DDX60: variants seen among roughly 807,000 people sequenced by gnomAD.
DDX60 encodes the protein probable ATP-dependent RNA helicase DDX60.
Under a neutral mutation model 212.8 loss-of-function variants are expected in DDX60, and 165 were observed. That is an observed-to-expected ratio of 0.78 (90% CI 0.68 to 0.88). The LOEUF is 0.88. Ranked by LOEUF, DDX60 falls within the 40% of genes least tolerant of loss-of-function variation. The pLI is 0.00. For missense variants in DDX60, 1,905 were observed against 2,003.9 expected (o/e 0.95, Z 0.94); for synonymous variants, 703 against 685.3 (o/e 1.03, Z -0.40).
upstream of DDX60, among the ~76,000 whole-genome samples, chr4:168,320,228 T>G (rs890142119): frequency 1.3e-5 from 2 of 152,158 alleles, no homozygotes; most frequent in Non-Finnish European, 2.9e-5. Flanking sequence ...CAAAATAGAT[T>G]AAATAAGAAT....
intron 12 of DDX60, among the ~76,000 whole-genome samples, chr4:168,284,161 C>T (rs1448524331): frequency 1.3e-5 from 2 of 152,270 alleles, no homozygotes; most frequent in Non-Finnish European, 2.9e-5. Context: ...TGTAACTACA[C>T]ATATCACACC....
At chr4:168,264,502 A>T (rs1734756915) in intron 22 of DDX60, among the ~76,000 whole-genome samples, 1 of 151,804 alleles carries the variant, frequency 6.6e-6, no homozygotes, top group Non-Finnish European at 1.5e-5. Context: ...AATAAATCCA[A>T]GATTTATTAT....
At chr4:168,312,932 C>T (rs1340710257) in intron 1 of DDX60, among the ~76,000 whole-genome samples, 1 of 152,042 alleles carries the variant, frequency 6.6e-6, no homozygotes, top group Admixed American at 6.5e-5. Flanking sequence ...GAGACACGAG[C>T]GTAAGTATGG....
intron 1 of DDX60, among the ~76,000 whole-genome samples, chr4:168,313,849 T>C (rs934442785): frequency 2.0e-5 from 3 of 152,182 alleles, no homozygotes; most frequent in African/African-American, 7.2e-5. Context: ...TAAGAAATAA[T>C]ATACATAGAT....
chr4:168,238,236 CAAAAAAAAAAAA>C (rs57638327), intron 30 of DDX60, among the ~76,000 whole-genome samples: 1 of 80,892 alleles, frequency 1.2e-5, no homozygotes, highest in Non-Finnish European at 2.5e-5. Context: ...TATGAAATTC[CAAAAAAAAAAAA>C]AAAAAAAAAA....
chr4:168,317,799 A>C (rs1038756183), intron 1 of DDX60, among the ~76,000 whole-genome samples: 1 of 152,198 alleles, frequency 6.6e-6, no homozygotes, highest in Non-Finnish European at 1.5e-5. Context: ...TTGTTGTGAG[A>C]AGGCCACTGT....
chr4:168,221,662 C>A, intron 36 of DDX60, 68 bp downstream of exon 36: 1 of 1,472,354 alleles, frequency 6.8e-7, no homozygotes, highest in South Asian at 1.5e-5. Flanking sequence ...CCTTAAAATT[C>A]ATTAAATTAA....
chr4:168,243,745 C>A (rs538151945), intron 30 of DDX60, among the ~76,000 whole-genome samples: 1 of 152,122 alleles, frequency 6.6e-6, no homozygotes, highest in Non-Finnish European at 1.5e-5. Flanking sequence ...CCCAGCAATT[C>A]CATTGCTGGG....
chr4:168,252,754 G>A (rs541712388), intron 26 of DDX60, 98 bp from the exon 27 acceptor site: 281 of 842,124 alleles, frequency 3.3e-4, no homozygotes, highest in Admixed American at 8.4e-4. Context: ...GACTTCCCAA[G>A]TCAGTCTTCT....
intron 30 of DDX60, among the ~76,000 whole-genome samples, chr4:168,242,328 AGAAT>A (rs1264657557): frequency 6.6e-6 from 1 of 152,192 alleles, no homozygotes; most frequent in Non-Finnish European, 1.5e-5. Flanking sequence ...TCCAGACCCC[AGAAT>A]GACACATCCA....
chr4:168,218,826 C>A (rs1022215474), intron 37 of DDX60, among the ~76,000 whole-genome samples: 5 of 152,050 alleles, frequency 3.3e-5, no homozygotes, highest in African/African-American at 1.2e-4. Context: ...TAATTTAAGG[C>A]TTAGTCAAAA....
At chr4:168,253,666 CT>C (rs141970182) in intron 26 of DDX60, among the ~76,000 whole-genome samples, 7,908 of 152,272 alleles carry the variant, frequency 0.052, 287 homozygotes, top group South Asian at 0.16. Flanking sequence ...CACATTCTTG[CT>C]TTTCTTCACC....
At chr4:168,272,012 G>A (rs1033654051) in intron 19 of DDX60, 31 bp downstream of exon 19, 1 of 1,479,412 alleles carries the variant, frequency 6.8e-7, no homozygotes. Context: ...GTGCACTAGG[G>A]AATTAAGCAA....
rs765349264 is a variant in DDX60, at chr4:168,224,399, T to C, written c.4682-14A>G. The C allele has an allele frequency of 6.2e-7, 1 of 1,609,964 alleles. No homozygotes were observed. The highest frequency in any genetic ancestry group is 1.1e-5 in the South Asian group (1 of 90,850). ...TACCTGTGAATTCTGACAATAATAG[T>C]TAGGGATAGATTAGTGTTTTGAACT... On this transcript the variant is annotated splice_polypyrimidine_tract_variant and intron_variant, in intron 34 of 37. Coordinates refer to ENST00000393743, the MANE Select transcript of DDX60 (RefSeq NM_017631.6).
At chr4:168,308,255 G>A (rs1736978268) in intron 3 of DDX60, 60 bp from the exon 4 acceptor site, 3 of 1,033,128 alleles carry the variant, frequency 2.9e-6, no homozygotes, top group Non-Finnish European at 4.2e-6. Flanking sequence ...TTCCAAAAAG[G>A]CATCGTTCTT....
chr4:168,269,556 G>C (rs1008907921), intron 19 of DDX60, among the ~76,000 whole-genome samples: 6 of 152,094 alleles, frequency 3.9e-5, no homozygotes, highest in African/African-American at 1.4e-4. Context: ...AGCTGAGATC[G>C]CGCCACTGGG....
intron 6 of DDX60, among the ~76,000 whole-genome samples, chr4:168,297,557 CA>C (rs1181651504): frequency 3.3e-5 from 5 of 151,536 alleles, no homozygotes; most frequent in Non-Finnish European, 7.4e-5. Context: ...AAATAAAAAC[CA>C]AAAAAGGTCA....
intron 30 of DDX60, among the ~76,000 whole-genome samples, chr4:168,245,422 A>G (rs1018388755): frequency 2.0e-5 from 3 of 152,208 alleles, no homozygotes; most frequent in Non-Finnish European, 2.9e-5. Flanking sequence ...CCCATATGTG[A>G]GAAGTTTACA....
At chr4:168,236,779 TATG>T (rs1443392141) in intron 32 of DDX60, among the ~76,000 whole-genome samples, 2 of 151,766 alleles carry the variant, frequency 1.3e-5, no homozygotes, top group Non-Finnish European at 3.0e-5. Context: ...TAGGGGAAAA[TATG>T]ATTCTAAATT....
Sources: gnomAD v4.1 joint callset for allele counts (sites outside exome capture counted in the v4.1 genomes callset) on GRCh38, gnomAD v4.1.1 for gene constraint, MANE v1.5 for transcripts, NCBI Gene and HGNC (gene_info 2026-07-23, HGNC 2026-07-21) for gene names.